Variants in CMSS1 observed in about 807,000 individuals in gnomAD.
The protein encoded by CMSS1 is protein CMSS1.
Under a neutral mutation model 43.5 loss-of-function variants are expected in CMSS1, and 33 were observed. The observed-to-expected ratio is 0.76, with a 90% confidence interval of 0.57 to 1.01. The LOEUF is 1.01. Ranked by LOEUF, CMSS1 falls within the 50% of genes least tolerant of loss-of-function variation. The probability of loss-of-function intolerance (pLI) is 0.00; values close to 1 mark genes in which losing one functional copy is unlikely to be tolerated. For missense variants in CMSS1, 313 were observed against 326.4 expected (o/e 0.96, Z 0.32); for synonymous variants, 115 against 117.2 (o/e 0.98, Z 0.12).
At chr3:100,029,081 C>T (rs1024367854) in intron 1 of CMSS1, among the ~76,000 whole-genome samples, 2 of 151,998 alleles carry the variant, frequency 1.3e-5, no homozygotes, top group African/African-American at 4.8e-5. Context: ...TCCCAAGCTA[C>T]CCTGGGAGCT....
intron 1 of CMSS1, chr3:99,875,983 G>A (rs1705492498): frequency 3.4e-6 from 3 of 882,366 alleles, no homozygotes; most frequent in African/African-American, 1.8e-5. Flanking sequence ...GTGATGCTGA[G>A]ACAGCTTTAA....
At chr3:100,002,489 T>A (rs954407242) in intron 1 of CMSS1, among the ~76,000 whole-genome samples, 1 of 152,200 alleles carries the variant, frequency 6.6e-6, no homozygotes, top group Non-Finnish European at 1.5e-5. Flanking sequence ...TTTACAAGAT[T>A]TGCACACAGG....
chr3:100,044,470 G>A (rs1217668147), intron 1 of CMSS1, among the ~76,000 whole-genome samples: 2 of 152,164 alleles, frequency 1.3e-5, no homozygotes, highest in African/African-American at 4.8e-5. Context: ...GAGTATACAA[G>A]AGCATCACAG....
chr3:99,958,324 G>C (rs1708397871), intron 1 of CMSS1, among the ~76,000 whole-genome samples: 1 of 151,222 alleles, frequency 6.6e-6, no homozygotes, highest in Non-Finnish European at 1.5e-5. Flanking sequence ...AGCCACCCAG[G>C]GTCTATTTTT....
chr3:99,982,698 A>G (rs1709163147), intron 1 of CMSS1, among the ~76,000 whole-genome samples: 1 of 152,116 alleles, frequency 6.6e-6, no homozygotes, highest in Non-Finnish European at 1.5e-5. Flanking sequence ...TTAATCATGG[A>G]AGTAACCAGA....
At chr3:100,130,936 G>A (rs1330573361) in intron 1 of CMSS1, among the ~76,000 whole-genome samples, 1 of 152,182 alleles carries the variant, frequency 6.6e-6, no homozygotes, top group African/African-American at 2.4e-5. Context: ...GAAGTGATGG[G>A]TTGGGAACCA....
At chr3:99,876,195 C>T (rs1705510267) in intron 1 of CMSS1, 8 of 985,454 alleles carry the variant, frequency 8.1e-6, no homozygotes, top group Non-Finnish European at 9.6e-6. Context: ...TGAGCGCGCC[C>T]GGCCTATGGG....
intron 1 of CMSS1, among the ~76,000 whole-genome samples, chr3:100,122,658 A>G (rs764575578): frequency 7.2e-5 from 11 of 152,234 alleles, no homozygotes; most frequent in Admixed American, 3.3e-4. Flanking sequence ...GCTTTAAATT[A>G]GAAGGACTAA....
chr3:100,040,808 G>A (rs1423687836), intron 1 of CMSS1: 2 of 152,200 alleles, frequency 1.3e-5, no homozygotes, highest in African/African-American at 4.8e-5. Context: ...ATTTTCTCAG[G>A]TTGTAGGATC....
chr3:100,108,539 A>G (rs2066432327), intron 1 of CMSS1, among the ~76,000 whole-genome samples: 1 of 152,174 alleles, frequency 6.6e-6, no homozygotes, highest in Non-Finnish European at 1.5e-5. Context: ...CATTAAATGC[A>G]TTGTGGTACA....
chr3:100,097,935 G>A (rs925724997), intron 1 of CMSS1, among the ~76,000 whole-genome samples: 1 of 152,078 alleles, frequency 6.6e-6, no homozygotes, highest in Non-Finnish European at 1.5e-5. Context: ...TATTTTGTTG[G>A]TTTTTTAAAA....
intron 1 of CMSS1, among the ~76,000 whole-genome samples, chr3:99,969,703 T>C (rs1708758434): frequency 6.6e-6 from 1 of 152,054 alleles, no homozygotes; most frequent in African/African-American, 2.4e-5. Flanking sequence ...ACATAATGGA[T>C]AGGAAGCAGC....
At chr3:100,008,441 A>G (rs1328982126) in intron 1 of CMSS1, among the ~76,000 whole-genome samples, 1 of 152,198 alleles carries the variant, frequency 6.6e-6, no homozygotes, top group Non-Finnish European at 1.5e-5. Flanking sequence ...AAGTGTTACC[A>G]TGTGTTTGCT....
At chr3:100,067,075 A>G (rs2065678759) in intron 1 of CMSS1, among the ~76,000 whole-genome samples, 1 of 152,210 alleles carries the variant, frequency 6.6e-6, no homozygotes, top group African/African-American at 2.4e-5. Flanking sequence ...GTTAACTGTC[A>G]CAGGGCCACT....
rs2067179040 is a variant in CMSS1 at position 100,180,647 on chromosome 3, T to TG, written c.*2259_*2260insG. On this transcript the variant is annotated 3_prime_UTR_variant, in exon 10 of 10. Transcript: ENST00000421999. ...CTGGACTTCATTGTCCATATCACTA[T>TG]CAGCATTTTGGTCAAAACTGTTCAA... 1 of 152,456 alleles carries TG rather than the reference T, an allele frequency of 6.6e-6. No individual in the cohort carries two copies. The highest frequency in any genetic ancestry group is 1.5e-5 in the Non-Finnish European group (1 of 68,224). The allele number at this position is 152,456 out of a possible 1,614,324, so 9.4% of individuals were successfully genotyped here.
At chr3:100,128,369 T>G (rs1223051189) in intron 1 of CMSS1, among the ~76,000 whole-genome samples, 8 of 152,220 alleles carry the variant, frequency 5.3e-5, no homozygotes, top group African/African-American at 1.9e-4. Flanking sequence ...TATTAGATAT[T>G]ATATTTACTT....
intron 1 of CMSS1, among the ~76,000 whole-genome samples, chr3:99,992,783 T>G (rs1709562190): frequency 6.6e-6 from 1 of 152,070 alleles, no homozygotes; most frequent in Admixed American, 6.5e-5. Flanking sequence ...TGTTCTAAGG[T>G]TTTTATGGTT....
intron 1 of CMSS1, among the ~76,000 whole-genome samples, chr3:100,084,322 CT>C (rs1357332303): frequency 1.3e-5 from 2 of 152,108 alleles, no homozygotes; most frequent in Non-Finnish European, 2.9e-5. Flanking sequence ...GTTTTTCATG[CT>C]ACCCACATAA....
At chr3:100,078,910 AT>A (rs1004621633) in intron 1 of CMSS1, among the ~76,000 whole-genome samples, 16 of 152,146 alleles carry the variant, frequency 1.1e-4, no homozygotes, top group African/African-American at 3.9e-4. Context: ...GGAAAAAAAG[AT>A]TGCAAAAAAT....
Sources: gnomAD v4.1 joint callset for allele counts (sites outside exome capture counted in the v4.1 genomes callset) on GRCh38, gnomAD v4.1.1 for gene constraint, MANE v1.5 for transcripts, NCBI Gene and HGNC (gene_info 2026-07-23, HGNC 2026-07-21) for gene names.